Variants in ABCC4 observed in about 807,000 individuals in gnomAD.
ABCC4 encodes the protein ATP-binding cassette sub-family C member 4.
In ABCC4, 102 loss-of-function variants were observed where a neutral mutation model predicts 168.5. The ratio of observed to expected loss-of-function variants is 0.61; its 90% CI spans 0.52 to 0.71. The LOEUF is 0.71. ABCC4 is among the 30% of genes least tolerant of loss of function. The pLI, the probability that ABCC4 is intolerant of heterozygous loss-of-function variation, is 0.00. For missense variants in ABCC4, 1,402 were observed against 1,605.8 expected, an observed-to-expected ratio of 0.87 and a Z score of 2.17; for synonymous variants, 617 against 590.7, an observed-to-expected ratio of 1.04 and a Z score of -0.65.
intron 30 of ABCC4, among the ~76,000 whole-genome samples, chr13:95,025,485 C>CAT (rs2031492143): frequency 2.2e-5 from 1 of 45,760 alleles, no homozygotes; most frequent in African/African-American, 9.4e-5. Context: ...TACACATACA[C>CAT]ACTCACATCC....
At chr13:95,262,883 C>T (rs554823121) in intron 1 of ABCC4, among the ~76,000 whole-genome samples, 109 of 152,296 alleles carry the variant, frequency 7.2e-4, no homozygotes, top group African/African-American at 2.5e-3. Flanking sequence ...AATCCAGCCA[C>T]CTTGGCCTCC....
At position 95,247,095 on chromosome 13, in the gene ABCC4, C is replaced by T; in HGVS notation, c.186G>A (p.Gly62=). The part of the protein sequence containing the change: ...RSQHLGEELQ[G]FWDKEVLRAE... Reference sequence around the variant, plus strand: ...CTCTTAAAACTTCTTTATCCCAGAACCTACAATGAGGAAAAAGCTTCGTAA... The same window carrying T: ...CTCTTAAAACTTCTTTATCCCAGAATCTACAATGAGGAAAAAGCTTCGTAA... The change falls in exon 3 of 31, where the codon GGG becomes GGA. Residue 62 remains glycine (G), a splice_region_variant and synonymous_variant. Transcript: ENST00000645237. The T allele has an allele frequency of 6.2e-7, 1 of 1,610,010 alleles. No individual in the cohort carries two copies. The highest frequency in any genetic ancestry group is 1.1e-5 in the South Asian group (1 of 89,904).
intron 4 of ABCC4, among the ~76,000 whole-genome samples, chr13:95,226,248 G>C (rs2039463493): frequency 6.6e-6 from 1 of 151,730 alleles, no homozygotes; most frequent in Admixed American, 6.6e-5. Flanking sequence ...TGATTCTAAA[G>C]TCAATATGAA....
rs757554101 is a variant in ABCC4, at chr13:95,282,724, A to G, written c.74+18517T>C. 3.8e-4 allele frequency among the ~76,000 whole-genome samples: 58 copies of G among 151,592 alleles called. No homozygotes were observed. In the South Asian group the frequency reaches 6.9e-3, roughly 18 times the overall value. On this transcript the variant is annotated intron_variant, in intron 1 of 30. Coordinates refer to ENST00000645237, the MANE Select transcript of ABCC4 (RefSeq NM_005845.5). The stretch of plus-strand genomic sequence containing the variant: ...TAATTTTTGTATTTTTAGTAGAGAC[A>G]GGGTTTCACCATGTTGACCAGTCTG...
At chr13:95,089,481 G>A (rs2034361759) in intron 20 of ABCC4, among the ~76,000 whole-genome samples, 1 of 152,098 alleles carries the variant, frequency 6.6e-6, no homozygotes, top group Admixed American at 6.5e-5. Flanking sequence ...AGCTAGGCGT[G>A]GTCACGGGCA....
chr13:95,129,067 T>C (rs1419328954), intron 19 of ABCC4, among the ~76,000 whole-genome samples: 1 of 152,218 alleles, frequency 6.6e-6, no homozygotes, highest in Non-Finnish European at 1.5e-5. Context: ...CACTTCATTG[T>C]AGATTTGAAT....
At chr13:95,068,436 C>G (rs982923491) in intron 25 of ABCC4, among the ~76,000 whole-genome samples, 1 of 152,160 alleles carries the variant, frequency 6.6e-6, no homozygotes, top group African/African-American at 2.4e-5. Context: ...ACCAGCCTGA[C>G]CAACATGGTG....
intron 19 of ABCC4, among the ~76,000 whole-genome samples, chr13:95,157,813 G>A (rs1478881238): frequency 6.6e-6 from 1 of 152,170 alleles, no homozygotes; most frequent in Non-Finnish European, 1.5e-5. Flanking sequence ...GCTCACGCCT[G>A]TAATCCCCAC....
chr13:95,064,256 GTGTGTATATATATA>G (rs1344076203), intron 25 of ABCC4, among the ~76,000 whole-genome samples: 1,489 of 15,152 alleles, frequency 0.098, 45 homozygotes, highest in African/African-American at 0.17. Context: ...GTGTGTGTGT[GTGTGTATATATATA>G]TATATATATA....
chr13:95,238,811 C>G (rs1444081988), intron 3 of ABCC4, among the ~76,000 whole-genome samples: 1 of 152,226 alleles, frequency 6.6e-6, no homozygotes, highest in Non-Finnish European at 1.5e-5. Flanking sequence ...CTGCCTTGGC[C>G]TCCCAAAGTG....
chr13:95,201,077 A>G (rs985542176), intron 8 of ABCC4, among the ~76,000 whole-genome samples: 2 of 152,172 alleles, frequency 1.3e-5, no homozygotes, highest in African/African-American at 4.8e-5. Context: ...CTCCCACCAG[A>G]AACTATGTAC....
intron 1 of ABCC4, among the ~76,000 whole-genome samples, chr13:95,270,745 A>ACTG (rs2040826740): frequency 6.6e-6 from 1 of 152,192 alleles, no homozygotes; most frequent in Non-Finnish European, 1.5e-5. Flanking sequence ...CTGAGTAGGG[A>ACTG]AGCTACAGGC....
intron 2 of ABCC4, 54 bp downstream of exon 2, chr13:95,247,589 C>G: frequency 7.0e-7 from 1 of 1,422,628 alleles, no homozygotes; most frequent in Non-Finnish European, 9.9e-7. Context: ...AACCCACTCC[C>G]CACACACAGA....
At chr13:95,252,940 G>A (rs962469110) in intron 1 of ABCC4, among the ~76,000 whole-genome samples, 3 of 152,162 alleles carry the variant, frequency 2.0e-5, no homozygotes, top group Admixed American at 1.3e-4. Context: ...TAGAATTCTG[G>A]TGCCAGGAAT....
intron 19 of ABCC4, among the ~76,000 whole-genome samples, chr13:95,156,332 A>C (rs761525377): frequency 6.6e-6 from 1 of 152,262 alleles, no homozygotes; most frequent in African/African-American, 2.4e-5. Context: ...GAAAGCTTTA[A>C]ATTAAAAACC....
chr13:95,073,186 C>T lies in ABCC4; in HGVS notation c.3018+18G>A, dbSNP rs775535241. The stretch of plus-strand genomic sequence containing the variant: ...GCAAGGAGATTGAAAAGGCAAAGAA[C>T]GTGAAGGTAAATATTACCATATTCT... On this transcript the variant is annotated intron_variant, in intron 24 of 30. Transcript: ENST00000645237. 50 of 1,594,366 alleles carry T rather than the reference C, an allele frequency of 3.1e-5. No individual in the cohort carries two copies. The highest frequency in any genetic ancestry group is 2.0e-4 in the Admixed American group (12 of 59,772).
At chr13:95,195,011 T>C (rs1159519233) in intron 8 of ABCC4, 74 bp from the exon 9 acceptor site, 27 of 1,288,534 alleles carry the variant, frequency 2.1e-5, no homozygotes, top group Non-Finnish European at 2.9e-5. Context: ...ACTGCTTCCA[T>C]GGAATTTGTA....
intron 20 of ABCC4, among the ~76,000 whole-genome samples, chr13:95,100,024 T>G (rs985440229): frequency 5.3e-5 from 8 of 152,216 alleles, no homozygotes; most frequent in Admixed American, 3.9e-4. Flanking sequence ...CAAAAATGAA[T>G]GTAATCAATC....
chr13:95,185,888 AAC>A (rs1165985694), intron 11 of ABCC4, among the ~76,000 whole-genome samples: 15 of 152,166 alleles, frequency 9.9e-5, no homozygotes, highest in South Asian at 2.1e-4. Context: ...TAAATTTTAA[AAC>A]AGTTTCCTTT....
Sources: gnomAD v4.1 joint callset for allele counts (sites outside exome capture counted in the v4.1 genomes callset) on GRCh38, gnomAD v4.1.1 for gene constraint, MANE v1.5 for transcripts, NCBI Gene and HGNC (gene_info 2026-07-23, HGNC 2026-07-21) for gene names.